KLF12: variants seen among roughly 807,000 people sequenced by gnomAD.
KLF12 encodes KLF transcription factor 12, also known as Krueppel-like factor 12.
Under a neutral mutation model 37.8 loss-of-function variants are expected in KLF12, and 9 were observed. That is an observed-to-expected ratio of 0.24 (90% CI 0.14 to 0.42). KLF12 has a LOEUF of 0.42. Among genes scored for constraint, KLF12 ranks in the 10% least tolerant of loss-of-function variants. The probability of loss-of-function intolerance (pLI) is 1.00; values close to 1 mark genes in which losing one functional copy is unlikely to be tolerated. For missense variants in KLF12, 411 were observed against 516.0 expected (o/e 0.80, Z 1.97); for synonymous variants, 208 against 202.1 (o/e 1.03, Z -0.25).
At chr13:74,172,142 GACACACAC>G in the KLF12 span, among the ~76,000 whole-genome samples, 5 of 145,960 alleles carry the variant, frequency 3.4e-5, no homozygotes, top group African/African-American at 1.3e-4. Flanking sequence ...TTTTCCTCAC[GACACACAC>G]ACACACACAC....
the KLF12 span, among the ~76,000 whole-genome samples, chr13:74,248,656 T>C: frequency 6.6e-6 from 1 of 152,152 alleles, no homozygotes; most frequent in South Asian, 2.1e-4. Flanking sequence ...AAAGTGCCCA[T>C]CATTAAGGGC....
At chr13:74,052,046 GA>G (rs201746011) in intron 1 of KLF12, among the ~76,000 whole-genome samples, 2 of 150,070 alleles carry the variant, frequency 1.3e-5, no homozygotes, top group African/African-American at 4.9e-5. Context: ...GAAACTTAAA[GA>G]AAAAAAAAGA....
intron 1 of KLF12, among the ~76,000 whole-genome samples, chr13:74,093,504 C>T (rs1342395379): frequency 6.6e-6 from 1 of 152,112 alleles, no homozygotes; most frequent in East Asian, 1.9e-4. Flanking sequence ...TAGAATTGGG[C>T]AAAGCTGGAA....
the KLF12 span, among the ~76,000 whole-genome samples, chr13:74,251,669 T>C: frequency 6.6e-6 from 1 of 152,242 alleles, no homozygotes; most frequent in Non-Finnish European, 1.5e-5. Flanking sequence ...GGCTCCCCAG[T>C]TGGCTGACTG....
chr13:74,255,935 C>G, the KLF12 span, among the ~76,000 whole-genome samples: 479 of 152,072 alleles, frequency 3.1e-3, 3 homozygotes, highest in African/African-American at 0.011. Context: ...GTGGGTGGAT[C>G]ACGAGGTCAG....
rs552565043 is a variant in KLF12, at chr13:73,979,098, T to C, written c.33+15892A>G. Among the ~76,000 whole-genome samples, 76 of 152,268 alleles carry C rather than the reference T, an allele frequency of 5.0e-4. 1 individual carries two copies. The highest frequency in any genetic ancestry group is 2.9e-4 in the African/African-American group (12 of 41,550). On this transcript the variant is annotated intron_variant, in intron 2 of 7. Coordinates refer to ENST00000377669, the MANE Select transcript of KLF12 (RefSeq NM_007249.5). ...AAACTATATCAGAGGATATGTACCA[T>C]TGTACATTTGTTAAAACCCGTAGAA... is the stretch of plus-strand genomic sequence containing the variant.
At chr13:73,708,117 T>C (rs1018245403) in intron 7 of KLF12, among the ~76,000 whole-genome samples, 4 of 152,168 alleles carry the variant, frequency 2.6e-5, no homozygotes, top group Non-Finnish European at 5.9e-5. Context: ...AACCATTAAA[T>C]CAGAATTGCT....
At chr13:73,803,470 T>C (rs1407816045) in intron 5 of KLF12, among the ~76,000 whole-genome samples, 1 of 152,136 alleles carries the variant, frequency 6.6e-6, no homozygotes, top group Non-Finnish European at 1.5e-5. Context: ...TAGTAAACCC[T>C]GCCTACCACC....
chr13:74,143,028 T>TTCCTTCCC, the KLF12 span, among the ~76,000 whole-genome samples: 1 of 146,356 alleles, frequency 6.8e-6, no homozygotes, highest in Non-Finnish European at 1.5e-5. Context: ...CCCTCCCTCC[T>TTCCTTCCC]TCCTTCCCTC....
At chr13:74,109,981 C>G (rs576474093) in intron 1 of KLF12, among the ~76,000 whole-genome samples, 2 of 152,060 alleles carry the variant, frequency 1.3e-5, no homozygotes, top group East Asian at 3.9e-4. Flanking sequence ...GGGAAAAAAA[C>G]AGGAAAAAGT....
At chr13:74,021,135 A>G (rs982016821) in intron 1 of KLF12, among the ~76,000 whole-genome samples, 2 of 152,190 alleles carry the variant, frequency 1.3e-5, no homozygotes, top group African/African-American at 4.8e-5. Flanking sequence ...GAGACGTCAA[A>G]AGAAAAGAAA....
At position 73,724,182 on chromosome 13, in the gene KLF12, A is replaced by G. The variant is rs188769725; in HGVS notation, c.870-8657T>C. Among the ~76,000 whole-genome samples, 6 of 152,338 alleles carry G rather than the reference A, an allele frequency of 3.9e-5. No homozygotes were observed. The East Asian group carries it at 1.2e-3, about 29-fold the overall frequency. ...ATAGACTGGAAAAAGAAAATGTGGC[A>G]CATATACACCATGGAATACTATGCA... On this transcript the variant is annotated intron_variant, in intron 6 of 7. Coordinates refer to ENST00000377669, the MANE Select transcript of KLF12 (RefSeq NM_007249.5).
intron 2 of KLF12, among the ~76,000 whole-genome samples, chr13:73,944,376 C>T (rs1369887350): frequency 6.6e-6 from 1 of 152,178 alleles, no homozygotes; most frequent in East Asian, 1.9e-4. Context: ...CAATTCATCA[C>T]ACTTTCACAA....
chr13:74,007,328 T>A (rs1011162428), intron 1 of KLF12, among the ~76,000 whole-genome samples: 3 of 151,652 alleles, frequency 2.0e-5, no homozygotes, highest in Non-Finnish European at 4.4e-5. Context: ...CAGGTTGGAG[T>A]GCAGTGGCGC....
At chr13:74,195,831 G>A in the KLF12 span, among the ~76,000 whole-genome samples, 5 of 152,028 alleles carry the variant, frequency 3.3e-5, no homozygotes, top group African/African-American at 7.2e-5. Context: ...TAATCAGCTC[G>A]CCTTGGCCTC....
At chr13:74,017,122 T>C (rs1369031458) in intron 1 of KLF12, among the ~76,000 whole-genome samples, 1 of 152,048 alleles carries the variant, frequency 6.6e-6, no homozygotes, top group Non-Finnish European at 1.5e-5. Context: ...ACTATCTGGA[T>C]AAATACTGTG....
At chr13:74,202,415 C>G in the KLF12 span, among the ~76,000 whole-genome samples, 1 of 152,112 alleles carries the variant, frequency 6.6e-6, no homozygotes, top group Admixed American at 6.6e-5. Context: ...ACTCACACCC[C>G]CTCTGAGGAA....
intron 6 of KLF12, among the ~76,000 whole-genome samples, chr13:73,741,107 C>T (rs1877939020): frequency 6.6e-6 from 1 of 152,138 alleles, no homozygotes; most frequent in Non-Finnish European, 1.5e-5. Flanking sequence ...TAAATATCCT[C>T]TAAAGACGTT....
rs748911792 is a variant in KLF12, at chr13:73,695,443, C to T, written c.*47G>A. ...GGATTCAGCCCTGCTGAATTGGGTGCCGCTAAGAGATCCAGCTCTTACGCT... is the reference window on the plus strand; with the variant it reads ...GGATTCAGCCCTGCTGAATTGGGTGTCGCTAAGAGATCCAGCTCTTACGCT... On this transcript the variant is annotated 3_prime_UTR_variant, in exon 8 of 8. Transcript: ENST00000377669. 4 of 1,582,526 alleles carry T rather than the reference C, an allele frequency of 2.5e-6. No individual in the cohort carries two copies. The highest frequency in any genetic ancestry group is 2.7e-5 in the African/African-American group (2 of 74,324).
Sources: allele counts gnomAD v4.1 joint callset (sites outside exome capture counted in the v4.1 genomes callset), GRCh38; gene constraint gnomAD v4.1.1; transcripts MANE v1.5; gene names NCBI Gene and HGNC (gene_info 2026-07-23, HGNC 2026-07-21).